Variants in PTPN2 observed in about 807,000 individuals in gnomAD.
PTPN2 encodes protein tyrosine phosphatase non-receptor type 2.
PTPN2 carries 19 observed loss-of-function variants against 57.3 expected under a neutral mutation model. That is an observed-to-expected ratio of 0.33 (90% confidence interval 0.23 to 0.49). PTPN2 has a LOEUF of 0.49. PTPN2 is among the 20% of genes least tolerant of loss of function. The pLI, the probability that PTPN2 is intolerant of heterozygous loss-of-function variation, is 0.99. For synonymous variants in PTPN2, 153 were observed against 164.9 expected (o/e 0.93, Z 0.55); for missense variants, 358 against 501.1 (o/e 0.71, Z 2.73).
chr18:12,849,114 T>C (rs1250931366), intron 2 of PTPN2, among the ~76,000 whole-genome samples: 2 of 152,240 alleles, frequency 1.3e-5, no homozygotes, highest in Non-Finnish European at 2.9e-5. Flanking sequence ...AGTGATGTTG[T>C]TGCAGTTATC....
In PTPN2 at chr18:12,825,909, T is replaced by C. The variant is rs756443279; in HGVS notation, c.396A>G (p.Gln132=). ...KCAQYWPTDD[Q]EMLFKETGFS... is the part of the protein sequence containing the mutation. Reference sequence around the variant, plus strand: ...ATCCTGTTTCTTTAAACAGCATCTCTTGGTCATCTGTTGGCCAGTACTGTG... The same window carrying C: ...ATCCTGTTTCTTTAAACAGCATCTCCTGGTCATCTGTTGGCCAGTACTGTG... Residue 132 remains glutamine (Q), a synonymous_variant, in exon 5 of 9, where the codon CAA becomes CAG. Transcript: ENST00000309660. 6.2e-7 allele frequency: 1 copy of C among 1,609,912 alleles called. No individual in the cohort carries two copies. The highest frequency in any genetic ancestry group is 1.1e-5 in the South Asian group (1 of 90,876).
chr18:12,840,917 G>C, intron 2 of PTPN2: 1 of 1,529,012 alleles, frequency 6.5e-7, no homozygotes, highest in Non-Finnish European at 8.8e-7. Context: ...TAGACGCTCT[G>C]ATGGAATGCC....
At position 12,832,810 on chromosome 18, in the gene PTPN2, T is replaced by G. The variant is rs544609699; in HGVS notation, c.262-1769A>C. On this transcript the variant is annotated intron_variant, in intron 3 of 8. Transcript: ENST00000309660. Reference sequence around the variant, plus strand: ...ACTAAATAATAAACAGGAACACAGCTGGAGTCTTGCTCTGTTGCCCAGGCT... The same window carrying G: ...ACTAAATAATAAACAGGAACACAGCGGGAGTCTTGCTCTGTTGCCCAGGCT... 2.0e-5 allele frequency among the ~76,000 whole-genome samples: 3 copies of G among 152,318 alleles called. No homozygotes were observed. In the East Asian group the frequency reaches 5.8e-4, roughly 29 times the overall value.
intron 3 of PTPN2, among the ~76,000 whole-genome samples, chr18:12,835,262 C>A (rs1350653978): frequency 2.6e-5 from 4 of 151,950 alleles, no homozygotes; most frequent in Admixed American, 2.6e-4. Flanking sequence ...GTCTCTATTC[C>A]CAAGCTCCAC....
intron 7 of PTPN2, among the ~76,000 whole-genome samples, chr18:12,805,905 G>A (rs2041632255): frequency 6.6e-6 from 1 of 152,076 alleles, no homozygotes; most frequent in Admixed American, 6.6e-5. Context: ...TGGGATTACA[G>A]GCATGAGCCA....
exon 10 of PTPN2, chr18:12,785,729 G>C: frequency 1.8e-6 from 2 of 1,131,402 alleles, no homozygotes; most frequent in Non-Finnish European, 1.3e-6. Flanking sequence ...GGGTTAGCGA[G>C]CCTCACTTTA....
intron 4 of PTPN2, among the ~76,000 whole-genome samples, chr18:12,830,417 G>A (rs918782273): frequency 1.3e-5 from 2 of 152,158 alleles, no homozygotes; most frequent in African/African-American, 4.8e-5. Flanking sequence ...ACAGGTTTGA[G>A]GCACCGTGCC....
chr18:12,855,767 C>A (rs756475534), intron 2 of PTPN2, among the ~76,000 whole-genome samples: 4 of 152,062 alleles, frequency 2.6e-5, no homozygotes, highest in Non-Finnish European at 4.4e-5. Flanking sequence ...GGATGAATGA[C>A]TGATTTTTCC....
At chr18:12,871,867 G>C (rs769180241) in intron 1 of PTPN2, among the ~76,000 whole-genome samples, 2 of 151,914 alleles carry the variant, frequency 1.3e-5, no homozygotes, top group African/African-American at 2.4e-5. Context: ...GGCCAACATG[G>C]GGAAACCCTG....
At chr18:12,811,673 A>C (rs1055713785) in intron 7 of PTPN2, among the ~76,000 whole-genome samples, 12 of 152,182 alleles carry the variant, frequency 7.9e-5, no homozygotes. Flanking sequence ...TAGGTTCAGC[A>C]AACTCACTCG....
chr18:12,878,034 AGAAAAAG>A (rs1484673461), intron 1 of PTPN2, among the ~76,000 whole-genome samples: 10 of 151,812 alleles, frequency 6.6e-5, no homozygotes, highest in Admixed American at 6.6e-4. Context: ...TCTCAAAAAA[AGAAAAAG>A]AAAAAAGAAA....
At chr18:12,868,276 CTCTG>C (rs150757934) in intron 1 of PTPN2, among the ~76,000 whole-genome samples, 5,327 of 152,032 alleles carry the variant, frequency 0.035, 325 homozygotes, top group African/African-American at 0.12. Context: ...TTGAGTCTCA[CTCTG>C]TCTGGACTGA....
chr18:12,865,476 C>T (rs2043960257), intron 1 of PTPN2, among the ~76,000 whole-genome samples: 2 of 148,608 alleles, frequency 1.3e-5, no homozygotes, highest in Non-Finnish European at 1.5e-5. Flanking sequence ...GGCACAGTGG[C>T]TCATGCCTGT....
At chr18:12,824,259 T>C (rs534982755) in intron 5 of PTPN2, among the ~76,000 whole-genome samples, 3 of 152,270 alleles carry the variant, frequency 2.0e-5, no homozygotes, top group African/African-American at 7.2e-5. Flanking sequence ...CCTTTTTAGG[T>C]GACTCAAGAG....
At position 12,802,916 on chromosome 18, in the gene PTPN2, A is replaced by T. The variant is rs956282950; in HGVS notation, c.859-765T>A. 6.6e-5 allele frequency among the ~76,000 whole-genome samples: 10 copies of T among 152,368 alleles called. No individual in the cohort carries two copies. In the Middle Eastern group the frequency reaches 0.01, roughly 155 times the overall value. ...ATTACTATCATGAAAATATATGAAA[A>T]TATAATCTCACTGACAGAGGTAAAT... On this transcript the variant is annotated intron_variant, in intron 7 of 8. Transcript: ENST00000309660.
chr18:12,801,330 T>G (rs965375723), intron 8 of PTPN2, among the ~76,000 whole-genome samples: 1 of 151,946 alleles, frequency 6.6e-6, no homozygotes, highest in African/African-American at 2.4e-5. Flanking sequence ...CTTGTTAACA[T>G]GGTGAAACCC....
intron 1 of PTPN2, among the ~76,000 whole-genome samples, chr18:12,866,533 G>C (rs1487751652): frequency 6.6e-6 from 1 of 152,194 alleles, no homozygotes; most frequent in Non-Finnish European, 1.5e-5. Context: ...GGGAAATCTG[G>C]AGACAGAAAG....
intron 4 of PTPN2, among the ~76,000 whole-genome samples, chr18:12,826,486 A>G (rs1369103474): frequency 5.9e-5 from 9 of 152,170 alleles, no homozygotes; most frequent in Non-Finnish European, 1.2e-4. Flanking sequence ...GTTTTAGAAC[A>G]TTTCTCTCAG....
intron 2 of PTPN2, among the ~76,000 whole-genome samples, chr18:12,848,227 T>C (rs573980392): frequency 1.3e-5 from 2 of 152,356 alleles, no homozygotes; most frequent in Admixed American, 6.5e-5. Flanking sequence ...TTTTAATGAT[T>C]TGAAGGTCTA....
Sources: allele counts gnomAD v4.1 joint callset (sites outside exome capture counted in the v4.1 genomes callset), GRCh38; gene constraint gnomAD v4.1.1; transcripts MANE v1.5; gene names NCBI Gene and HGNC (gene_info 2026-07-23, HGNC 2026-07-21).